The following SPMIP4 variants were observed in gnomAD, a reference collection of about 807,000 sequenced individuals.
SPMIP4 encodes sperm microtubule inner protein 4.
chr7:25,135,494 G>C, the SPMIP4 span: 2 of 985,996 alleles, frequency 2.0e-6, no homozygotes, highest in Non-Finnish European at 2.4e-6. Flanking sequence ...AGGTGTTTGG[G>C]TTTTGTCTTT....
chr7:25,174,984 T>A, the SPMIP4 span, among the ~76,000 whole-genome samples: 2 of 152,234 alleles, frequency 1.3e-5, no homozygotes, highest in African/African-American at 2.4e-5. The surrounding 1 kb of genome is among the most constrained non-coding windows in gnomAD (Gnocchi z 4.5). Context: ...GCAACTAACT[T>A]GCTCTTGGTC....
chr7:25,146,193 A>C, the SPMIP4 span, among the ~76,000 whole-genome samples: 1 of 152,220 alleles, frequency 6.6e-6, no homozygotes, highest in Non-Finnish European at 1.5e-5. Flanking sequence ...AGAGACTGGC[A>C]GAGAGAATTA....
the SPMIP4 span, chr7:25,142,259 T>C: frequency 1.9e-6 from 3 of 1,612,836 alleles, no homozygotes; most frequent in Non-Finnish European, 8.5e-7. Flanking sequence ...GGTCAAATCC[T>C]ATCTTTCGTG....
chr7:25,158,712 C>T, the SPMIP4 span, among the ~76,000 whole-genome samples: 1 of 151,378 alleles, frequency 6.6e-6, no homozygotes, highest in Non-Finnish European at 1.5e-5. Flanking sequence ...CCAGCCTGGG[C>T]AACATACAAA....
At chr7:25,172,814 G>C in the SPMIP4 span, among the ~76,000 whole-genome samples, 3 of 152,116 alleles carry the variant, frequency 2.0e-5, no homozygotes, top group African/African-American at 7.2e-5. The surrounding 1 kb of genome is among the most constrained non-coding windows in gnomAD (Gnocchi z 4.2). Context: ...TATATTAGAA[G>C]AGTTGATATA....
At chr7:25,152,829 T>C in the SPMIP4 span, among the ~76,000 whole-genome samples, 2 of 148,916 alleles carry the variant, frequency 1.3e-5, no homozygotes, top group Admixed American at 6.7e-5. Flanking sequence ...CTGTAACCTC[T>C]GCCTCCTGGG....
At chr7:25,148,929 A>C in the SPMIP4 span, among the ~76,000 whole-genome samples, 1 of 152,260 alleles carries the variant, frequency 6.6e-6, no homozygotes, top group African/African-American at 2.4e-5. Flanking sequence ...AAGAAGGTTT[A>C]TGGACAGAAA....
the SPMIP4 span, among the ~76,000 whole-genome samples, chr7:25,178,851 C>T: frequency 6.6e-6 from 1 of 152,066 alleles, no homozygotes; most frequent in South Asian, 2.1e-4. Context: ...ACAGCCTGGC[C>T]AACATAGTGA....
At chr7:25,136,544 C>T in the SPMIP4 span, 2 of 1,614,172 alleles carry the variant, frequency 1.2e-6, no homozygotes, top group Non-Finnish European at 1.7e-6. The surrounding 1 kb of genome is among the most constrained non-coding windows in gnomAD (Gnocchi z 5.7). Context: ...CTCTGTTCTT[C>T]TATGATCTTC....
At chr7:25,135,847 T>G in the SPMIP4 span, 1 of 1,413,246 alleles carries the variant, frequency 7.1e-7, no homozygotes, top group East Asian at 2.5e-5. Context: ...CCTGAAAATG[T>G]AAACCTCACT....
chr7:25,142,807 C>T, the SPMIP4 span: 1 of 1,520,268 alleles, frequency 6.6e-7, no homozygotes, highest in South Asian at 1.3e-5. Context: ...CTCAACACCT[C>T]TGGGAAACTA....
At chr7:25,179,112 A>ACGAG in the SPMIP4 span, 5 of 1,490,456 alleles carry the variant, frequency 3.4e-6, no homozygotes, top group Non-Finnish European at 4.5e-6. Context: ...TCCTCACATA[A>ACGAG]TAAAATACAC....
At chr7:25,168,377 G>A in the SPMIP4 span, 1 of 1,613,300 alleles carries the variant, frequency 6.2e-7, no homozygotes, top group Middle Eastern at 1.7e-4. Context: ...TGGTCCTCGG[G>A]GAGTGAAATC....
At chr7:25,153,105 G>A in the SPMIP4 span, among the ~76,000 whole-genome samples, 2 of 152,078 alleles carry the variant, frequency 1.3e-5, no homozygotes, top group African/African-American at 2.4e-5. Context: ...ACCTAATGCT[G>A]TACTAGTTCC....
the SPMIP4 span, among the ~76,000 whole-genome samples, chr7:25,140,572 GA>G: frequency 6.6e-6 from 1 of 151,828 alleles, no homozygotes; most frequent in Non-Finnish European, 1.5e-5. Context: ...AAAGTGCTGG[GA>G]TTATAGGCAA....
chr7:25,168,993 C>A, the SPMIP4 span, among the ~76,000 whole-genome samples: 1 of 150,894 alleles, frequency 6.6e-6, no homozygotes, highest in Non-Finnish European at 1.5e-5. Context: ...TCCCAAAGTG[C>A]TTGAGATTAC....
chr7:25,174,337 TAACA>T, the SPMIP4 span, among the ~76,000 whole-genome samples: 55,263 of 151,512 alleles, frequency 0.36, 12,214 homozygotes, highest in Non-Finnish European at 0.5. The surrounding 1 kb of genome is among the most constrained non-coding windows in gnomAD (Gnocchi z 4.5). Context: ...TACATCTCTA[TAACA>T]AAGAGAATAA....
At chr7:25,138,091 T>C in the SPMIP4 span, among the ~76,000 whole-genome samples, 44 of 152,288 alleles carry the variant, frequency 2.9e-4, no homozygotes, top group African/African-American at 1.0e-3. This position sits in a 1 kb window ranked among gnomAD's most constrained non-coding sequence, Gnocchi z 6.2. Flanking sequence ...ACTTGTCAAT[T>C]TTAAGTTATG....
the SPMIP4 span, among the ~76,000 whole-genome samples, chr7:25,166,707 AGAAACC>A: frequency 6.6e-6 from 1 of 151,040 alleles, no homozygotes; most frequent in African/African-American, 2.4e-5. Flanking sequence ...ATCCACATGG[AGAAACC>A]CCATGTTTTA....
Sources: gnomAD v4.1 joint callset for allele counts (sites outside exome capture counted in the v4.1 genomes callset) on GRCh38, gnomAD v4.1.1 for gene constraint, Gnocchi (gnomAD v3.1) non-coding constraint, MANE v1.5 for transcripts, NCBI Gene and HGNC (gene_info 2026-07-23, HGNC 2026-07-21) for gene names.